The following USP13 variants were observed in gnomAD, a reference collection of about 807,000 sequenced individuals.
USP13 encodes the protein ubiquitin carboxyl-terminal hydrolase 13.
Under a neutral mutation model 107.8 loss-of-function variants are expected in USP13, and 68 were observed. That is an observed-to-expected ratio of 0.63 (90% CI 0.52 to 0.77). USP13 has a LOEUF of 0.77. Among genes scored for constraint, USP13 ranks in the 30% least tolerant of loss-of-function variants. The probability of loss-of-function intolerance (pLI) is 0.00; values close to 1 mark genes in which losing one functional copy is unlikely to be tolerated. For synonymous variants in USP13, 377 were observed against 389.5 expected (o/e 0.97, Z 0.38); for missense variants, 945 against 1,093.3 (o/e 0.86, Z 1.91).
intron 1 of USP13, among the ~76,000 whole-genome samples, chr3:179,655,464 G>A (rs1720222482): frequency 6.6e-6 from 1 of 151,380 alleles, no homozygotes; most frequent in South Asian, 2.1e-4. Flanking sequence ...TGATGAATCA[G>A]TATATTTCAT....
intron 2 of USP13, among the ~76,000 whole-genome samples, chr3:179,685,069 TTAAG>T (rs1045838717): frequency 1.3e-5 from 2 of 152,196 alleles, no homozygotes; most frequent in Non-Finnish European, 2.9e-5. Context: ...TAAATATTTA[TTAAG>T]TATTTAACAT....
intron 17 of USP13, among the ~76,000 whole-genome samples, chr3:179,763,039 G>A (rs952930057): frequency 7.2e-5 from 11 of 152,238 alleles, no homozygotes; most frequent in African/African-American, 2.6e-4. Context: ...TTGGAGATAT[G>A]TCTATTCAAA....
At chr3:179,731,729 C>G (rs12629667) in intron 10 of USP13, among the ~76,000 whole-genome samples, 1 of 152,152 alleles carries the variant, frequency 6.6e-6, no homozygotes. Flanking sequence ...GCACAGCTTA[C>G]GCATCTGTGT....
intron 19 of USP13, among the ~76,000 whole-genome samples, chr3:179,781,232 A>T (rs765809144): frequency 6.6e-6 from 1 of 152,238 alleles, no homozygotes; most frequent in Non-Finnish European, 1.5e-5. Flanking sequence ...ATCCTTTTCT[A>T]CAAATGATAA....
At position 179,784,283 on chromosome 3, in the gene USP13, T is replaced by C. The variant is rs1715852718; in HGVS notation, c.*142T>C. On this transcript the variant is annotated 3_prime_UTR_variant, in exon 21 of 21. Transcript: ENST00000263966. ...CGTTTATTTAAAGAGCACGATCAGT[T>C]GACACCTTCTGAAATAGAACTGAGA... 1.6e-6 allele frequency: 1 copy of C among 609,008 alleles called. No homozygotes were observed. 37.7% of individuals were successfully genotyped at this position (609,008 alleles called of 1,614,324 possible).
intron 1 of USP13, among the ~76,000 whole-genome samples, chr3:179,654,598 C>T (rs144139098): frequency 1.3e-3 from 197 of 152,316 alleles, no homozygotes; most frequent in African/African-American, 4.3e-3. Flanking sequence ...TTTTTATCCA[C>T]CCACTTTAGA....
intron 1 of USP13, among the ~76,000 whole-genome samples, chr3:179,655,969 T>C (rs1156611563): frequency 1.4e-4 from 22 of 152,210 alleles, no homozygotes; most frequent in Admixed American, 1.4e-3. Context: ...GCAAAATCCA[T>C]TGGTGCTAAA....
chr3:179,726,682 CTT>C (rs35001051), intron 8 of USP13, among the ~76,000 whole-genome samples: 258 of 144,044 alleles, frequency 1.8e-3, no homozygotes, highest in Admixed American at 1.9e-3. Flanking sequence ...CCCTGGTAGG[CTT>C]TTTTTTTTTT....
intron 19 of USP13, among the ~76,000 whole-genome samples, chr3:179,770,445 G>A (rs1036183095): frequency 6.6e-6 from 1 of 152,064 alleles, no homozygotes; most frequent in Non-Finnish European, 1.5e-5. Flanking sequence ...TAAAGGTACC[G>A]ATTTTGTAAT....
chr3:179,661,746 C>G (rs1436859275), intron 1 of USP13, among the ~76,000 whole-genome samples: 2 of 152,124 alleles, frequency 1.3e-5, no homozygotes, highest in East Asian at 1.9e-4. Flanking sequence ...TAAGCTTCTC[C>G]CATCATTGCA....
chr3:179,775,683 C>T (rs931831596), intron 19 of USP13, among the ~76,000 whole-genome samples: 7 of 152,172 alleles, frequency 4.6e-5, no homozygotes, highest in East Asian at 1.9e-4. Flanking sequence ...TGAGGCCTGG[C>T]GAGAATTCGA....
intron 4 of USP13, among the ~76,000 whole-genome samples, chr3:179,703,302 G>A (rs183927885): frequency 4.6e-5 from 7 of 152,212 alleles, no homozygotes; most frequent in African/African-American, 9.6e-5. Flanking sequence ...TTTGGTGTTC[G>A]ACAATTCTCT....
chr3:179,783,034 C>T (rs13084462), intron 20 of USP13, among the ~76,000 whole-genome samples: 17,111 of 152,100 alleles, frequency 0.11, 1,101 homozygotes, highest in Non-Finnish European at 0.15. Flanking sequence ...TGTGAGTCAC[C>T]GCACCCGGCT....
intron 13 of USP13, 139 bp from the exon 14 acceptor site, chr3:179,752,146 C>T: frequency 1.5e-6 from 1 of 682,834 alleles, no homozygotes; most frequent in Non-Finnish European, 2.6e-6. Flanking sequence ...ACTTACATGT[C>T]TGTGTTTGCA....
intron 10 of USP13, 30 bp downstream of exon 10, chr3:179,730,739 A>C: frequency 6.2e-7 from 1 of 1,600,934 alleles, no homozygotes; most frequent in South Asian, 1.1e-5. Context: ...CCATGTTGAC[A>C]TGTAGGTAGG....
At chr3:179,659,173 GC>G (rs1465420209) in intron 1 of USP13, among the ~76,000 whole-genome samples, 1 of 152,182 alleles carries the variant, frequency 6.6e-6, no homozygotes, top group African/African-American at 2.4e-5. Flanking sequence ...ATGGACAGGG[GC>G]CATCAGGTGG....
At chr3:179,669,367 C>T (rs902118859) in intron 1 of USP13, among the ~76,000 whole-genome samples, 2 of 151,520 alleles carry the variant, frequency 1.3e-5, no homozygotes, top group Non-Finnish European at 1.5e-5. Context: ...TGCTGAGGCA[C>T]GAGAATCTCT....
chr3:179,746,426 G>A (rs1714410029), intron 13 of USP13, among the ~76,000 whole-genome samples: 1 of 148,966 alleles, frequency 6.7e-6, no homozygotes, highest in African/African-American at 2.5e-5. Flanking sequence ...GCTAATTTTT[G>A]TATATTTTTT....
chr3:179,771,409 C>T (rs184032957), intron 19 of USP13, among the ~76,000 whole-genome samples: 1 of 152,292 alleles, frequency 6.6e-6, no homozygotes, highest in African/African-American at 2.4e-5. Flanking sequence ...TCCATCCTCT[C>T]ACCTGAGCTG....
Sources: gnomAD v4.1 joint callset for allele counts (sites outside exome capture counted in the v4.1 genomes callset) on GRCh38, gnomAD v4.1.1 for gene constraint, MANE v1.5 for transcripts, NCBI Gene and HGNC (gene_info 2026-07-23, HGNC 2026-07-21) for gene names.